Variants in PASD1 observed in about 807,000 individuals in gnomAD.
PASD1 encodes PAS domain containing repressor 1, also known as circadian clock protein PASD1.
PASD1 carries 13 observed loss-of-function variants against 58.8 expected under a neutral mutation model. The observed-to-expected ratio is 0.22, with a 90% CI of 0.14 to 0.35. The LOEUF (loss-of-function observed/expected upper bound fraction) is 0.35, where lower values mean the gene tolerates loss of function less well. PASD1 is among the 10% of genes least tolerant of loss of function. The pLI, the probability that PASD1 is intolerant of heterozygous loss-of-function variation, is 1.00. For synonymous variants in PASD1, 236 were observed against 216.7 expected (o/e 1.09, Z -0.78); for missense variants, 734 against 568.3 (o/e 1.29, Z -2.96).
chrX:151,622,971 C>G lies in PASD1; in HGVS notation c.453C>G (p.Ser151Arg), dbSNP rs772783963. 2.4e-5 allele frequency: 29 copies of G among 1,206,695 alleles called. No homozygotes were observed. Among genetic ancestry groups the G allele is most frequent in the Non-Finnish European group, 3.1e-5 (28 of 892,757 alleles). The change falls in exon 7 of 16, where the codon AGC (serine) becomes AGG (arginine). Residue 151 changes from serine to arginine, a missense_variant. Ser to Arg is a moderately radical substitution (Grantham distance 110). Transcript: ENST00000370357. ...TGGTCTTTAGTGGCTTGTTTTCCAGCCACCTCTGTGCTGACTTTGCTGCAT... is the reference window on the plus strand; with the variant it reads ...TGGTCTTTAGTGGCTTGTTTTCCAGGCACCTCTGTGCTGACTTTGCTGCAT... ...FPVVFSGLFSSHLCADFAACV... is the reference protein window; with the variant it reads ...FPVVFSGLFSRHLCADFAACV...
rs148790508 is a variant in PASD1, at chrX:151,592,269, G to T, written c.-27-9258G>T. Among the ~76,000 whole-genome samples the T allele has an allele frequency of 3.1e-3, 345 of 112,268 alleles. 6 individuals are homozygous for T. In the East Asian group the frequency reaches 0.051, roughly 17 times the overall value. On this transcript the variant is annotated intron_variant, in intron 1 of 15. Transcript: ENST00000370357. ...AGTTGGGAAGATCTGATAAATTGAT[G>T]ATATTGAGACATCCCTTACACAGAC...
chrX:151,648,933 G>A (rs1303773902), intron 9 of PASD1, among the ~76,000 whole-genome samples: 1 of 111,677 alleles, frequency 9.0e-6, no homozygotes, highest in Non-Finnish European at 1.9e-5. Context: ...CCCAGATGTT[G>A]TTCAGGGTCT....
intron 8 of PASD1, among the ~76,000 whole-genome samples, chrX:151,643,098 T>G (rs943063116): frequency 4.4e-5 from 5 of 112,393 alleles, no homozygotes; most frequent in Non-Finnish European, 9.4e-5. Context: ...TATGAATAGC[T>G]TAAAAAAACA....
At chrX:151,574,776 G>T (rs1759233681) in intron 1 of PASD1, among the ~76,000 whole-genome samples, 2 of 112,017 alleles carry the variant, frequency 1.8e-5, no homozygotes, top group African/African-American at 3.2e-5. Context: ...CATAGAATCT[G>T]TTAAAAGAAG....
chrX:151,669,164 A>ATG (rs1214539595), intron 11 of PASD1, among the ~76,000 whole-genome samples: 4 of 64,746 alleles, frequency 6.2e-5, no homozygotes, highest in Non-Finnish European at 1.5e-4. Context: ...TATATATACT[A>ATG]TATGTGTGTG....
intron 6 of PASD1, among the ~76,000 whole-genome samples, chrX:151,621,807 A>G (rs2013715382): frequency 9.1e-6 from 1 of 110,431 alleles, no homozygotes; most frequent in African/African-American, 3.3e-5. Flanking sequence ...CTTTCTTTTT[A>G]TAAAACAAGG....
intron 2 of PASD1, among the ~76,000 whole-genome samples, chrX:151,602,944 C>T (rs934525707): frequency 1.8e-5 from 2 of 112,163 alleles, no homozygotes; most frequent in Admixed American, 9.4e-5. Flanking sequence ...CTCCCTGAGA[C>T]GGTTTGGTCC....
chrX:151,653,133 A>G (rs2124299577), intron 9 of PASD1, among the ~76,000 whole-genome samples: 1 of 109,481 alleles, frequency 9.1e-6, no homozygotes, highest in East Asian at 2.9e-4. Context: ...GTAACCGTAG[A>G]AGTTATGAGA....
rs780853557 is a variant in PASD1 at position 151,603,786 on chromosome X, C to G, written c.29-860C>G. ...TGCATGGCCTCCCTCTTACCCAACTCTACTCCTAGGAAAGAGTCAGAGACT... is the reference window on the plus strand; with the variant it reads ...TGCATGGCCTCCCTCTTACCCAACTGTACTCCTAGGAAAGAGTCAGAGACT... On this transcript the variant is annotated intron_variant, in intron 2 of 15. Transcript: ENST00000370357. Among the ~76,000 whole-genome samples the G allele has an allele frequency of 4.6e-4, 52 of 111,878 alleles. No individual in the cohort carries two copies. The Middle Eastern group carries it at 0.014, about 30-fold the overall frequency.
intron 1 of PASD1, among the ~76,000 whole-genome samples, chrX:151,583,408 G>A (rs1412240650): frequency 8.9e-6 from 1 of 111,821 alleles, no homozygotes; most frequent in African/African-American, 3.2e-5. Flanking sequence ...TTCCAAGGGA[G>A]GTTTATTGCT....
intron 3 of PASD1, among the ~76,000 whole-genome samples, chrX:151,605,600 C>G (rs2013478200): frequency 9.0e-6 from 1 of 111,234 alleles, no homozygotes; most frequent in Non-Finnish European, 1.9e-5. Context: ...AAGAAACAGA[C>G]TCTCACTTTT....
chrX:151,564,033 C>T (rs1327953800), intron 1 of PASD1, among the ~76,000 whole-genome samples, 194 bp downstream of exon 1: 9 of 112,390 alleles, frequency 8.0e-5, no homozygotes, highest in Non-Finnish European at 1.7e-4. Flanking sequence ...GGGGTGGCAG[C>T]GGGTAGCTGG....
chrX:151,617,911 C>A (rs2013657613), intron 4 of PASD1, among the ~76,000 whole-genome samples: 1 of 111,875 alleles, frequency 8.9e-6, no homozygotes, highest in African/African-American at 3.2e-5. Flanking sequence ...TGTGAACATA[C>A]CTAGAACAGT....
At position 151,647,971 on chromosome X, in the gene PASD1, T is replaced by G. The variant is rs1361657786; in HGVS notation, c.630-644T>G. Among the ~76,000 whole-genome samples, 5 of 111,572 alleles carry G rather than the reference T, an allele frequency of 4.5e-5. No individual in the cohort carries two copies. In the East Asian group the frequency reaches 1.4e-3, roughly 31 times the overall value. On this transcript the variant is annotated intron_variant, in intron 8 of 15. Coordinates refer to ENST00000370357, the MANE Select transcript of PASD1 (RefSeq NM_173493.3). ...TTTAATTTCTCATTTTGTGGAGTAA[T>G]AGGGGCTTTTCTAAAGAAAAACTCG...
chrX:151,612,251 A>G (rs1415547458), intron 4 of PASD1, among the ~76,000 whole-genome samples: 23 of 94,463 alleles, frequency 2.4e-4, no homozygotes, highest in African/African-American at 7.6e-4. Context: ...AGTCTTTGCT[A>G]TTGTGAATAG....
chrX:151,646,615 A>G (rs1161953751), intron 8 of PASD1, among the ~76,000 whole-genome samples: 1 of 112,880 alleles, frequency 8.9e-6, no homozygotes, highest in African/African-American at 3.2e-5. Context: ...TATGTTGTTT[A>G]TCTCAGATAT....
chrX:151,564,147 G>A (rs1390685994), intron 1 of PASD1, among the ~76,000 whole-genome samples: 4 of 113,059 alleles, frequency 3.5e-5, no homozygotes, highest in Non-Finnish European at 7.5e-5. Flanking sequence ...TGGACATTTC[G>A]AGAAATTGAA....
intron 9 of PASD1, among the ~76,000 whole-genome samples, chrX:151,656,543 G>T (rs763330755): frequency 9.0e-6 from 1 of 111,407 alleles, no homozygotes; most frequent in East Asian, 2.8e-4. Flanking sequence ...TTGAGCAGTG[G>T]TTTGTAGTTC....
At chrX:151,589,777 A>G (rs2013220655) in intron 1 of PASD1, among the ~76,000 whole-genome samples, 1 of 111,986 alleles carries the variant, frequency 8.9e-6, no homozygotes, top group African/African-American at 3.2e-5. Context: ...TGAATGGCAC[A>G]CATACTAATT....
Sources: allele counts gnomAD v4.1 joint callset (sites outside exome capture counted in the v4.1 genomes callset), GRCh38; gene constraint gnomAD v4.1.1; transcripts MANE v1.5; gene names NCBI Gene and HGNC (gene_info 2026-07-23, HGNC 2026-07-21).